Variants in CLDN2 observed in about 807,000 individuals in gnomAD.
The protein encoded by CLDN2 is claudin-2.
CLDN2 carries 1 observed loss-of-function variant against 8.2 expected under a neutral mutation model. That is an observed-to-expected ratio of 0.12 (90% confidence interval 0.04 to 0.58). The LOEUF is 0.58. CLDN2 is among the 20% of genes least tolerant of loss of function. The pLI, the probability that CLDN2 is intolerant of heterozygous loss-of-function variation, is 0.90. For synonymous variants in CLDN2, 70 were observed against 70.2 expected, an observed-to-expected ratio of 1.00 and a Z score of 0.01; for missense variants, 108 against 172.9, an observed-to-expected ratio of 0.62 and a Z score of 2.11.
chrX:106,905,622 CACA>C (rs367972492), intron 1 of CLDN2, among the ~76,000 whole-genome samples: 7 of 111,700 alleles, frequency 6.3e-5, no homozygotes, highest in African/African-American at 9.8e-5. Context: ...GAGGAAGAAG[CACA>C]ACACCTGTTG....
At chrX:106,906,108 A>G (rs1232548174) in intron 1 of CLDN2, among the ~76,000 whole-genome samples, 1 of 111,767 alleles carries the variant, frequency 8.9e-6, no homozygotes, top group East Asian at 2.8e-4. Context: ...TCTCCTTTTC[A>G]CTTAAAACAA....
chrX:106,915,216 G>T (rs1933297283), upstream of CLDN2, among the ~76,000 whole-genome samples: 2 of 112,311 alleles, frequency 1.8e-5, no homozygotes, highest in Non-Finnish European at 3.8e-5. Context: ...TTGTGAAGTA[G>T]TATTCCATTA....
At chrX:106,906,353 G>A (rs369757869) in intron 1 of CLDN2, among the ~76,000 whole-genome samples, 7 of 111,041 alleles carry the variant, frequency 6.3e-5, no homozygotes, top group African/African-American at 1.6e-4. Flanking sequence ...CAAGCTTAGC[G>A]AAGGAGACAA....
chrX:106,928,261 C>T lies in CLDN2; in HGVS notation c.33C>T (p.Tyr11=). The T allele has an allele frequency of 2.5e-6, 3 of 1,211,429 alleles. No individual in the cohort carries two copies. Among genetic ancestry groups the T allele is most frequent in the East Asian group, 3.0e-5 (1 of 33,826 alleles). Residue 11 remains tyrosine (Y), a synonymous_variant, in exon 2 of 2, where the codon TAC becomes TAT. Coordinates refer to ENST00000336803, the MANE Select transcript of CLDN2 (RefSeq NM_020384.4). The part of the protein sequence containing the change: MASLGLQLVG[Y]ILGLLGLLGT... ...CTCTTGGCCTCCAACTTGTGGGCTA[C>T]ATCCTAGGCCTTCTGGGGCTTTTGG...
chrX:106,920,908 C>A (rs941842436), intron 1 of CLDN2, among the ~76,000 whole-genome samples: 2 of 111,692 alleles, frequency 1.8e-5, no homozygotes, highest in Admixed American at 1.9e-4. Flanking sequence ...AGAAGGGGCA[C>A]TCCCTCACAG....
At chrX:106,907,873 C>T (rs1346835618) in intron 1 of CLDN2, among the ~76,000 whole-genome samples, 1 of 111,230 alleles carries the variant, frequency 9.0e-6, no homozygotes, top group Non-Finnish European at 1.9e-5. Flanking sequence ...CAAAATAAAA[C>T]ATTAGTTTAT....
upstream of CLDN2, chrX:106,920,390 C>T (rs1290710713): frequency 3.7e-5 from 4 of 108,606 alleles, no homozygotes; most frequent in African/African-American, 6.7e-5. Context: ...CTCTGACCCA[C>T]GGCTCAGATT....
chrX:106,900,688 C>T (rs191311035), intron 1 of CLDN2: 9 of 1,147,725 alleles, frequency 7.8e-6, no homozygotes, highest in South Asian at 4.2e-5. Context: ...TGAGCTGTGG[C>T]GCTGTAGGGT....
upstream of CLDN2, among the ~76,000 whole-genome samples, chrX:106,914,542 G>C (rs981407936): frequency 2.7e-5 from 3 of 111,713 alleles, no homozygotes; most frequent in African/African-American, 9.8e-5. Flanking sequence ...GAGCAGATAT[G>C]AGAATCCAGC....
upstream of CLDN2, among the ~76,000 whole-genome samples, chrX:106,914,827 C>T (rs1295059457): frequency 2.7e-5 from 3 of 111,567 alleles, no homozygotes; most frequent in African/African-American, 9.8e-5. Context: ...TAACTAATAT[C>T]TTTTATTTGT....
intron 1 of CLDN2, chrX:106,903,168 A>T: frequency 8.3e-7 from 1 of 1,211,301 alleles, no homozygotes; most frequent in Non-Finnish European, 1.1e-6. Context: ...CAGAGGAGAG[A>T]AGGCAAGATG....
At chrX:106,923,702 T>C (rs1334438402) in intron 1 of CLDN2, among the ~76,000 whole-genome samples, 1 of 111,718 alleles carries the variant, frequency 9.0e-6, no homozygotes, top group Non-Finnish European at 1.9e-5. Flanking sequence ...TTTGCAAATG[T>C]TGAATTTGAG....
At chrX:106,917,982 C>T (rs888280634), upstream of CLDN2, among the ~76,000 whole-genome samples, 1 of 111,368 alleles carries the variant, frequency 9.0e-6, no homozygotes, top group African/African-American at 3.3e-5. Flanking sequence ...CAATGCCGAC[C>T]TGAAGGAAAC....
chrX:106,907,806 C>T (rs1459601277), intron 1 of CLDN2, among the ~76,000 whole-genome samples: 1 of 110,611 alleles, frequency 9.0e-6, no homozygotes, highest in Non-Finnish European at 1.9e-5. Context: ...GTAAAATGTT[C>T]TTTGAAATTA....
chrX:106,907,250 G>T (rs1933191104), intron 1 of CLDN2, among the ~76,000 whole-genome samples: 1 of 111,624 alleles, frequency 9.0e-6, no homozygotes, highest in Admixed American at 9.5e-5. Context: ...ATTCCTCATG[G>T]TCTCTTTTGC....
At chrX:106,908,377 G>A (rs1449144626) in intron 1 of CLDN2, among the ~76,000 whole-genome samples, 2 of 110,746 alleles carry the variant, frequency 1.8e-5, no homozygotes, top group African/African-American at 6.6e-5. Context: ...TTTGACATCT[G>A]AGCTCAGCCT....
upstream of CLDN2, among the ~76,000 whole-genome samples, chrX:106,916,072 G>C (rs73638920): frequency 2.1e-4 from 16 of 77,275 alleles, no homozygotes; most frequent in Admixed American, 2.2e-3. Context: ...GTTGAATTAA[G>C]AAAAAAAAAA....
chrX:106,904,364 C>A (rs773885257), intron 1 of CLDN2, among the ~76,000 whole-genome samples: 11 of 112,785 alleles, frequency 9.8e-5, no homozygotes, highest in African/African-American at 3.5e-4. Flanking sequence ...CGAAAATATT[C>A]CTCCTGACCT....
chrX:106,928,907 A>G lies in CLDN2; in HGVS notation c.679A>G (p.Thr227Ala). 1 of 1,209,332 alleles carries G rather than the reference A, an allele frequency of 8.3e-7. No homozygotes were observed. Among genetic ancestry groups the G allele is most frequent in the Non-Finnish European group, 1.1e-6 (1 of 894,044 alleles). Reference sequence around the variant, plus strand: ...GAGTGAGTTCAATTCCTACAGCCTGACAGGGTATGTGTGAAGAACCAGGGG... The same window carrying G: ...GAGTGAGTTCAATTCCTACAGCCTGGCAGGGTATGTGTGAAGAACCAGGGG... ...VKSEFNSYSL[T>A]GYV The change falls in exon 2 of 2, where the codon ACA (threonine) becomes GCA (alanine). Residue 227 changes from threonine (T) to alanine (A), a missense_variant. Physicochemically the swap from Thr to Ala is moderately conservative, Grantham distance 58 (BLOSUM62 0). This residue lies in a region of CLDN2 where 81 missense variants were observed against 100.8 expected (regional missense o/e 0.80). Coordinates refer to ENST00000336803, the MANE Select transcript of CLDN2 (RefSeq NM_020384.4).
Sources: gnomAD v4.1 joint callset for allele counts (sites outside exome capture counted in the v4.1 genomes callset) on GRCh38, gnomAD v4.1.1 for gene constraint, gnomAD v4.1.1 regional missense constraint, MANE v1.5 for transcripts, NCBI Gene and HGNC (gene_info 2026-07-23, HGNC 2026-07-21) for gene names.